The following ZNF829 variants were observed in gnomAD, a reference collection of about 807,000 sequenced individuals.
ZNF829 encodes zinc finger protein 829.
A neutral mutation model predicts 35.2 loss-of-function variants in ZNF829; 25 were observed. The ratio of observed to expected loss-of-function variants is 0.71; its 90% CI spans 0.52 to 0.99. The LOEUF is 0.99. Ranked by LOEUF, ZNF829 falls within the 50% of genes least tolerant of loss-of-function variation. The pLI is 0.00. For missense variants in ZNF829, 417 were observed against 515.3 expected (o/e 0.81, Z 1.85); for synonymous variants, 136 against 163.2 (o/e 0.83, Z 1.27).
Position 36,907,982 on chromosome 19 carries a change from T to TG in ZNF829, c.265dup (p.Gln89ProfsTer9). On this transcript the variant is annotated frameshift_variant, in exon 5 of 6. Coordinates refer to ENST00000391711, the MANE Select transcript of ZNF829 (RefSeq NM_001037232.4). LOFTEE classifies it high-confidence loss of function. ...ATCAACCATCCAGGGCTCTTTTCCT[T>TG]GTTCCAATAAGGAGATCACAGCTGG... The TG allele has an allele frequency of 1.2e-6, 2 of 1,614,038 alleles. No individual in the cohort carries two copies. Among genetic ancestry groups the TG allele is most frequent in the Admixed American group, 3.3e-5 (2 of 59,984 alleles).
At chr19:36,914,279 C>G (rs1307355633) in intron 3 of ZNF829, among the ~76,000 whole-genome samples, 1 of 152,004 alleles carries the variant, frequency 6.6e-6, no homozygotes, top group African/African-American at 2.4e-5. Flanking sequence ...AATCATCTTA[C>G]AGGAAATGAT....
intron 3 of ZNF829, among the ~76,000 whole-genome samples, chr19:36,909,886 T>A (rs189724151): frequency 6.6e-6 from 1 of 151,680 alleles, no homozygotes; most frequent in Non-Finnish European, 1.5e-5. Flanking sequence ...GACTGTGGTA[T>A]GGGAAATCTC....
intron 5 of ZNF829, among the ~76,000 whole-genome samples, chr19:36,895,127 C>A (rs2146229367): frequency 6.6e-6 from 1 of 152,222 alleles, no homozygotes; most frequent in South Asian, 2.1e-4. Flanking sequence ...GTAGCAGATA[C>A]CTTGGCAGAA....
chr19:36,904,457 T>G (rs1247791279), intron 5 of ZNF829, among the ~76,000 whole-genome samples: 1 of 152,154 alleles, frequency 6.6e-6, no homozygotes, highest in Non-Finnish European at 1.5e-5. Flanking sequence ...TGGAGTGCAG[T>G]TGCATGATCT....
intron 5 of ZNF829, among the ~76,000 whole-genome samples, chr19:36,904,735 G>A (rs966227921): frequency 1.3e-5 from 2 of 151,944 alleles, no homozygotes; most frequent in African/African-American, 4.8e-5. Context: ...TTATAACACT[G>A]TGATTTCAAA....
chr19:36,911,693 G>C (rs955426782), intron 3 of ZNF829, among the ~76,000 whole-genome samples: 5 of 152,092 alleles, frequency 3.3e-5, no homozygotes, highest in African/African-American at 1.2e-4. Flanking sequence ...TTAGACTCCA[G>C]GGTCCAAAGT....
chr19:36,903,802 T>C (rs918952624), intron 5 of ZNF829, among the ~76,000 whole-genome samples: 1 of 151,792 alleles, frequency 6.6e-6, no homozygotes, highest in African/African-American at 2.4e-5. Context: ...GAAGCAGAGG[T>C]TGCAGTGAGC....
chr19:36,908,741 T>C (rs1486573874), intron 3 of ZNF829, among the ~76,000 whole-genome samples: 1 of 152,144 alleles, frequency 6.6e-6, no homozygotes, highest in Admixed American at 6.5e-5. Flanking sequence ...CACCTTATAA[T>C]ACATGGAGTA....
Position 36,908,223 on chromosome 19 carries a change from G to A in ZNF829, c.223+110C>T, listed in dbSNP as rs995194252. 4 of 1,446,218 alleles carry A rather than the reference G, an allele frequency of 2.8e-6. No individual in the cohort carries two copies. In the East Asian group the frequency reaches 9.2e-5, roughly 33 times the overall value. The allele number at this position is 1,446,218 out of a possible 1,614,324, so 89.6% of individuals were successfully genotyped here. ...CTATTTTAACTCAAACCATTCCTTA[G>A]GGAACAGGGAGCAGAAATTCAGCTG... On this transcript the variant is annotated intron_variant, in intron 4 of 5. Transcript: ENST00000391711.
chr19:36,902,943 G>A (rs1330459153), intron 5 of ZNF829, among the ~76,000 whole-genome samples: 1 of 151,988 alleles, frequency 6.6e-6, no homozygotes, highest in Non-Finnish European at 1.5e-5. Context: ...AGCTGAGGCA[G>A]GAGAATCGCT....
intron 5 of ZNF829, among the ~76,000 whole-genome samples, chr19:36,896,894 T>A (rs754776724): frequency 2.0e-4 from 30 of 152,048 alleles, no homozygotes; most frequent in Non-Finnish European, 4.0e-4. Flanking sequence ...AATTAAGAAA[T>A]TAAAGATCAT....
intron 5 of ZNF829, among the ~76,000 whole-genome samples, chr19:36,896,899 G>A (rs2073118542): frequency 6.6e-6 from 1 of 152,088 alleles, no homozygotes; most frequent in South Asian, 2.1e-4. Context: ...AGAAATTAAA[G>A]ATCATCAAAG....
At chr19:36,902,609 C>T (rs2049500987) in intron 5 of ZNF829, among the ~76,000 whole-genome samples, 1 of 149,936 alleles carries the variant, frequency 6.7e-6, no homozygotes, top group South Asian at 2.1e-4. Flanking sequence ...TGCACCACTG[C>T]ACTCCAGCCT....
At chr19:36,902,444 G>T (rs2073176216) in intron 5 of ZNF829, among the ~76,000 whole-genome samples, 4 of 151,830 alleles carry the variant, frequency 2.6e-5, no homozygotes, top group Admixed American at 1.3e-4. Flanking sequence ...AGACCAGCCT[G>T]GGTAACATGG....
chr19:36,915,139 G>A lies in ZNF829; in HGVS notation c.29C>T (p.Pro10Leu). The change falls in exon 2 of 6, where the codon CCT becomes CTT. Residue 10 changes from proline (P) to leucine (L), a missense_variant. Pro to Leu is a moderately conservative substitution (Grantham distance 98). Transcript: ENST00000391711. MPHSPLISI[P>L]HVWCHPEEEE... Reference sequence around the variant, plus strand: ...CAGCCCCATTACCCACCACACATGAGGAATGGAGATCAGAGGAGAATGGGG... The same window carrying A: ...CAGCCCCATTACCCACCACACATGAAGAATGGAGATCAGAGGAGAATGGGG... 6.2e-7 allele frequency: 1 copy of A among 1,614,106 alleles called. No homozygotes were observed. The highest frequency in any genetic ancestry group is 8.5e-7 in the Non-Finnish European group (1 of 1,180,036).
rs933943848 is a variant in ZNF829 at position 36,910,943 on chromosome 19, G to T, written c.97-2484C>A. ...AATTGCTTGAACCCGGGAGGCGGAG[G>T]TTGCAGTGAGCCGAGATTGTGCCGT... On this transcript the variant is annotated intron_variant, in intron 3 of 5. Transcript: ENST00000391711. Among the ~76,000 whole-genome samples the T allele has an allele frequency of 3.9e-5, 6 of 152,228 alleles. No homozygotes were observed. In the Middle Eastern group the frequency reaches 0.01, roughly 259 times the overall value.
Position 36,891,560 on chromosome 19 carries a change from TAC to T in ZNF829, c.1229_1230del (p.Cys410Ter), listed in dbSNP as rs762238694. On this transcript the variant is annotated frameshift_variant, in exon 6 of 6. Coordinates refer to ENST00000391711, the MANE Select transcript of ZNF829 (RefSeq NM_001037232.4). LOFTEE classifies it high-confidence loss of function. The part of the protein sequence containing the change: ...RIHTGEKPYD[C>X]KECGKAFGSR... The stretch of plus-strand genomic sequence containing the variant: ...CTACCAAAAGCCTTTCCACATTCCT[TAC>T]AGTCATAGGGTTTCTCACCAGTGTG... 6 of 1,610,972 alleles carry T rather than the reference TAC, an allele frequency of 3.7e-6. No individual in the cohort carries two copies. Among genetic ancestry groups the T allele is most frequent in the East Asian group, 4.5e-5 (2 of 44,862 alleles).
chr19:36,914,882 T>C, intron 3 of ZNF829, 83 bp downstream of exon 3: 2 of 1,361,604 alleles, frequency 1.5e-6, no homozygotes, highest in Non-Finnish European at 1.0e-6. Flanking sequence ...TTTTCTGTGA[T>C]GGGAAAATTA....
chr19:36,915,880 G>T, intron 1 of ZNF829, 131 bp downstream of exon 1: 1 of 1,536,030 alleles, frequency 6.5e-7, no homozygotes, highest in South Asian at 1.2e-5. Context: ...CTTTCAGGCC[G>T]CTCCGCCCGC....
Sources: allele counts gnomAD v4.1 joint callset (sites outside exome capture counted in the v4.1 genomes callset), GRCh38; gene constraint gnomAD v4.1.1; transcripts MANE v1.5; gene names NCBI Gene and HGNC (gene_info 2026-07-23, HGNC 2026-07-21).